The following NCKAP5 variants were observed in gnomAD, a reference collection of about 807,000 sequenced individuals.
The protein encoded by NCKAP5 is nck-associated protein 5.
NCKAP5 carries 92 observed loss-of-function variants against 167.0 expected under a neutral mutation model. The ratio of observed to expected loss-of-function variants is 0.55; its 90% CI spans 0.47 to 0.66. NCKAP5 has a LOEUF of 0.66. Ranked by LOEUF, NCKAP5 falls within the 30% of genes least tolerant of loss-of-function variation. The probability of loss-of-function intolerance (pLI) is 0.00; values close to 1 mark genes in which losing one functional copy is unlikely to be tolerated. For synonymous variants in NCKAP5, 891 were observed against 877.4 expected, an observed-to-expected ratio of 1.02 and a Z score of -0.27; for missense variants, 2,378 against 2,315.0, an observed-to-expected ratio of 1.03 and a Z score of -0.56.
chr2:133,220,109 TCACATACACATA>T lies in NCKAP5; in HGVS notation c.144-6342_144-6331del, dbSNP rs1162190695. ...GCTACCCAAGACAAATTAAATACACTCACATACACATACACCCTTGCTCCCATTTAAAGGCCT... is the reference window on the plus strand; with the variant it reads ...GCTACCCAAGACAAATTAAATACACTCACCCTTGCTCCCATTTAAAGGCCT... On this transcript the variant is annotated intron_variant, in intron 4 of 19. Transcript: ENST00000409261. 2.4e-4 allele frequency among the ~76,000 whole-genome samples: 36 copies of T among 152,158 alleles called. 1 individual carries two copies. Among genetic ancestry groups the T allele is most frequent in the Admixed American group, 2.4e-3 (36 of 15,278 alleles).
At chr2:133,040,386 A>T (rs2079175253) in intron 6 of NCKAP5, among the ~76,000 whole-genome samples, 1 of 152,132 alleles carries the variant, frequency 6.6e-6, no homozygotes, top group Non-Finnish European at 1.5e-5. Flanking sequence ...CCACACCATG[A>T]CGCAATTATC....
intron 3 of NCKAP5, among the ~76,000 whole-genome samples, chr2:133,422,300 A>T (rs1263318506): frequency 6.6e-6 from 1 of 152,238 alleles, no homozygotes; most frequent in African/African-American, 2.4e-5. Context: ...AGGATTGCTT[A>T]CATAAATGCC....
intron 6 of NCKAP5, among the ~76,000 whole-genome samples, chr2:133,087,886 G>A (rs1161244169): frequency 6.6e-6 from 1 of 152,098 alleles, no homozygotes; most frequent in South Asian, 2.1e-4. Context: ...GCACTGTGTT[G>A]TTTGTACATA....
chr2:133,448,081 C>A (rs1248779554), intron 3 of NCKAP5, among the ~76,000 whole-genome samples: 1 of 152,178 alleles, frequency 6.6e-6, no homozygotes, highest in Non-Finnish European at 1.5e-5. Flanking sequence ...CAGAAGTGGG[C>A]TGATCATGTC....
intron 7 of NCKAP5, among the ~76,000 whole-genome samples, chr2:132,983,443 C>G (rs2077198479): frequency 6.6e-6 from 1 of 152,066 alleles, no homozygotes; most frequent in South Asian, 2.1e-4. Context: ...GGCTATGGGT[C>G]TGTCATAGAT....
intron 16 of NCKAP5, among the ~76,000 whole-genome samples, chr2:132,752,404 C>T (rs1680191366): frequency 6.6e-6 from 1 of 152,240 alleles, no homozygotes; most frequent in South Asian, 2.1e-4. Context: ...TCCACATGAA[C>T]TCAGAGGGCT....
intron 4 of NCKAP5, among the ~76,000 whole-genome samples, chr2:133,294,105 T>C (rs1159271962): frequency 6.6e-6 from 1 of 152,200 alleles, no homozygotes; most frequent in African/African-American, 2.4e-5. Context: ...CTCTCTTTGT[T>C]TGCTACACAT....
intron 3 of NCKAP5, among the ~76,000 whole-genome samples, chr2:133,438,050 A>G (rs148748930): frequency 6.6e-6 from 1 of 152,318 alleles, no homozygotes; most frequent in East Asian, 1.9e-4. Context: ...CCCCCTTGGG[A>G]TTTTTGTAAC....
intron 16 of NCKAP5, among the ~76,000 whole-genome samples, chr2:132,766,009 C>T (rs147564356): frequency 1.8e-4 from 28 of 152,074 alleles, no homozygotes; most frequent in African/African-American, 6.7e-4. Flanking sequence ...AGGCTGGGCA[C>T]GGTGGCTTAC....
intron 6 of NCKAP5, among the ~76,000 whole-genome samples, chr2:133,073,625 A>C (rs2080497538): frequency 6.6e-6 from 1 of 152,162 alleles, no homozygotes; most frequent in Admixed American, 6.5e-5. Context: ...AACAAAAAGA[A>C]TCATCAATTA....
At chr2:133,094,795 G>A (rs980410959) in intron 6 of NCKAP5, among the ~76,000 whole-genome samples, 1 of 152,164 alleles carries the variant, frequency 6.6e-6, no homozygotes, top group Non-Finnish European at 1.5e-5. Flanking sequence ...TCTCCAGGTG[G>A]TAGCAGAAGG....
At chr2:133,089,699 C>A (rs1559128366) in intron 6 of NCKAP5, among the ~76,000 whole-genome samples, 1 of 152,196 alleles carries the variant, frequency 6.6e-6, no homozygotes, top group African/African-American at 2.4e-5. Context: ...TTCATTTGTA[C>A]ATACACAAGT....
chr2:132,951,203 C>A (rs112322307), intron 8 of NCKAP5, among the ~76,000 whole-genome samples: 2 of 152,306 alleles, frequency 1.3e-5, no homozygotes, highest in African/African-American at 4.8e-5. Context: ...CCCCTGTCCA[C>A]CGTGACAGCT....
intron 4 of NCKAP5, among the ~76,000 whole-genome samples, chr2:133,299,890 A>T (rs1336416240): frequency 7.0e-6 from 1 of 143,512 alleles, no homozygotes; most frequent in African/African-American, 2.8e-5. Flanking sequence ...CGCTAGCAAG[A>T]CTAATGAAAA....
intron 4 of NCKAP5, among the ~76,000 whole-genome samples, chr2:133,290,426 T>A (rs867611229): frequency 6.6e-6 from 1 of 152,214 alleles, no homozygotes; most frequent in African/African-American, 2.4e-5. Context: ...AATTATGAGA[T>A]ACAAATATAC....
chr2:133,446,251 C>A (rs1691185823), intron 3 of NCKAP5, among the ~76,000 whole-genome samples: 1 of 152,048 alleles, frequency 6.6e-6, no homozygotes, highest in Admixed American at 6.5e-5. Context: ...AATGGAAGTC[C>A]TACATTTCAA....
chr2:133,502,582 G>A (rs770214349), intron 3 of NCKAP5, among the ~76,000 whole-genome samples: 1 of 152,056 alleles, frequency 6.6e-6, no homozygotes, highest in African/African-American at 2.4e-5. Flanking sequence ...TATGCCATAT[G>A]TCTACATCAT....
At chr2:132,895,621 A>G (rs1693125336) in intron 8 of NCKAP5, among the ~76,000 whole-genome samples, 1 of 152,046 alleles carries the variant, frequency 6.6e-6, no homozygotes, top group African/African-American at 2.4e-5. Flanking sequence ...TGACAATGAC[A>G]GTCAACAGGT....
In NCKAP5 at chr2:133,130,044, T is replaced by C. The variant is rs757483611; in HGVS notation, c.275A>G (p.Gln92Arg). 4.3e-6 allele frequency: 7 copies of C among 1,611,748 alleles called. No individual in the cohort carries two copies. The highest frequency in any genetic ancestry group is 3.4e-5 in the Admixed American group (2 of 59,550). ...GCGTTCAGACTCTAGGGTCACCTCCTGCAACCGCTTCTCGCTTTGAAGACG... is the reference window on the plus strand; with the variant it reads ...GCGTTCAGACTCTAGGGTCACCTCCCGCAACCGCTTCTCGCTTTGAAGACG... ...HLRLQSEKRL[Q>R]EVTLESERNR... The change falls in exon 6 of 20, where the codon CAG (glutamine) becomes CGG (arginine). Residue 92 changes from glutamine to arginine, a missense_variant. Physicochemically the swap from Gln to Arg is conservative, Grantham distance 43. Transcript: ENST00000409261.
Sources: allele counts gnomAD v4.1 joint callset (sites outside exome capture counted in the v4.1 genomes callset), GRCh38; gene constraint gnomAD v4.1.1; transcripts MANE v1.5; gene names NCBI Gene and HGNC (gene_info 2026-07-23, HGNC 2026-07-21).